Variants in SCHIP1 observed in about 807,000 individuals in gnomAD.
SCHIP1 encodes the protein schwannomin interacting protein 1.
SCHIP1 carries 8 observed loss-of-function variants against 29.7 expected under a neutral mutation model. The ratio of observed to expected loss-of-function variants is 0.27; its 90% CI spans 0.16 to 0.49. The LOEUF (loss-of-function observed/expected upper bound fraction) is 0.49. SCHIP1 is among the 20% of genes least tolerant of loss of function. The pLI, the probability that SCHIP1 is intolerant of heterozygous loss-of-function variation, is 0.99. For synonymous variants in SCHIP1, 76 were observed against 94.9 expected (o/e 0.80, Z 1.16); for missense variants, 193 against 294.6 (o/e 0.66, Z 2.52).
At chr3:159,483,366 A>G in the SCHIP1 span, among the ~76,000 whole-genome samples, 20 of 152,204 alleles carry the variant, frequency 1.3e-4, no homozygotes, top group Non-Finnish European at 2.6e-4. Flanking sequence ...ACAGGAAAGT[A>G]TGTCTGTCCA....
At chr3:159,372,673 G>A in the SCHIP1 span, among the ~76,000 whole-genome samples, 22 of 152,184 alleles carry the variant, frequency 1.4e-4, no homozygotes, top group South Asian at 1.5e-3. Flanking sequence ...GCCTACAAAA[G>A]CTAAGAATGG....
the SCHIP1 span, among the ~76,000 whole-genome samples, chr3:159,469,392 C>G: frequency 2.0e-4 from 30 of 152,204 alleles, no homozygotes; most frequent in African/African-American, 6.5e-4. Context: ...TAATTATTAG[C>G]TGAATTCAGA....
At chr3:159,557,781 G>A in the SCHIP1 span, among the ~76,000 whole-genome samples, 1 of 152,198 alleles carries the variant, frequency 6.6e-6, no homozygotes. Flanking sequence ...GCTTCTAAGA[G>A]TTAAGAAGAA....
At chr3:159,327,548 G>A in the SCHIP1 span, among the ~76,000 whole-genome samples, 1 of 152,184 alleles carries the variant, frequency 6.6e-6, no homozygotes, top group South Asian at 2.1e-4. Flanking sequence ...TGTTGGTAAG[G>A]GGGATGGGAG....
chr3:159,443,536 G>A, the SCHIP1 span, among the ~76,000 whole-genome samples: 1 of 151,974 alleles, frequency 6.6e-6, no homozygotes, highest in African/African-American at 2.4e-5. Context: ...TTGAGACGGA[G>A]TCTTGCTCTG....
At chr3:159,329,387 A>G in the SCHIP1 span, among the ~76,000 whole-genome samples, 1 of 152,194 alleles carries the variant, frequency 6.6e-6, no homozygotes, top group South Asian at 2.1e-4. Flanking sequence ...GGAGAAGATG[A>G]TGTTGCCACA....
At chr3:159,322,737 T>C in the SCHIP1 span, among the ~76,000 whole-genome samples, 1 of 152,234 alleles carries the variant, frequency 6.6e-6, no homozygotes, top group Non-Finnish European at 1.5e-5. Flanking sequence ...ATCTGCACTT[T>C]TAACATCCTC....
chr3:159,673,685 A>T, the SCHIP1 span, among the ~76,000 whole-genome samples: 2 of 152,216 alleles, frequency 1.3e-5, no homozygotes, highest in African/African-American at 4.8e-5. Context: ...AGAAATGCGT[A>T]AGCCAGCTTG....
the SCHIP1 span, among the ~76,000 whole-genome samples, chr3:159,392,659 T>A: frequency 6.6e-6 from 1 of 152,026 alleles, no homozygotes; most frequent in African/African-American, 2.4e-5. Context: ...TTTTTATGGC[T>A]GCATAGTATT....
At chr3:159,396,713 T>C in the SCHIP1 span, among the ~76,000 whole-genome samples, 1 of 152,170 alleles carries the variant, frequency 6.6e-6, no homozygotes, top group South Asian at 2.1e-4. Flanking sequence ...TGGGCTTCCC[T>C]TTGAGGGTAA....
the SCHIP1 span, among the ~76,000 whole-genome samples, chr3:159,514,555 A>C: frequency 2.0e-5 from 3 of 152,246 alleles, no homozygotes; most frequent in African/African-American, 4.8e-5. Context: ...GAAGAAGTGC[A>C]GTCAAGCTGT....
the SCHIP1 span, among the ~76,000 whole-genome samples, chr3:159,448,395 C>T: frequency 2.8e-4 from 43 of 152,180 alleles, no homozygotes; most frequent in Non-Finnish European, 1.9e-4. Flanking sequence ...TGCTTGAACC[C>T]GGGAGGTGGA....
At chr3:159,466,821 C>T in the SCHIP1 span, among the ~76,000 whole-genome samples, 5 of 152,086 alleles carry the variant, frequency 3.3e-5, no homozygotes, top group South Asian at 2.1e-4. Flanking sequence ...TGGGCCTGAG[C>T]GCATCCTCCT....
chr3:159,447,605 C>CT, the SCHIP1 span, among the ~76,000 whole-genome samples: 1 of 152,284 alleles, frequency 6.6e-6, no homozygotes, highest in South Asian at 2.1e-4. Flanking sequence ...AAACAAATCA[C>CT]TTTTTTACTG....
At chr3:159,549,916 GA>G in the SCHIP1 span, among the ~76,000 whole-genome samples, 6 of 152,074 alleles carry the variant, frequency 3.9e-5, no homozygotes, top group African/African-American at 1.4e-4. Context: ...ATCTGGGGAA[GA>G]GTCATGTCTG....
the SCHIP1 span, among the ~76,000 whole-genome samples, chr3:159,689,387 G>A: frequency 6.6e-6 from 1 of 152,056 alleles, no homozygotes; most frequent in African/African-American, 2.4e-5. Flanking sequence ...CTCATGATTT[G>A]GCTCTCTGTT....
the SCHIP1 span, among the ~76,000 whole-genome samples, chr3:159,492,858 C>T: frequency 6.6e-6 from 1 of 152,136 alleles, no homozygotes; most frequent in Non-Finnish European, 1.5e-5. Context: ...AGAGAAAGGT[C>T]GGGTTACCCA....
chr3:159,584,412 G>A, the SCHIP1 span, among the ~76,000 whole-genome samples: 2 of 152,136 alleles, frequency 1.3e-5, no homozygotes, highest in African/African-American at 2.4e-5. Context: ...TCAAATTTGT[G>A]TTTGTAACAA....
At chr3:159,598,398 G>A in the SCHIP1 span, among the ~76,000 whole-genome samples, 15 of 152,156 alleles carry the variant, frequency 9.9e-5, no homozygotes, top group Admixed American at 2.6e-4. Context: ...GGGTGTGCAG[G>A]CATTGGATAA....
Sources: allele counts gnomAD v4.1 joint callset (sites outside exome capture counted in the v4.1 genomes callset), GRCh38; gene constraint gnomAD v4.1.1; transcripts MANE v1.5; gene names NCBI Gene and HGNC (gene_info 2026-07-23, HGNC 2026-07-21).